The following CNTNAP2 variants were observed in gnomAD, a reference collection of about 807,000 sequenced individuals.
CNTNAP2 encodes contactin associated protein 2, also known as contactin-associated protein-like 2.
Under a neutral mutation model 155.2 loss-of-function variants are expected in CNTNAP2, and 98 were observed. That is an observed-to-expected ratio of 0.63 (90% CI 0.54 to 0.75). The LOEUF is 0.75. Ranked by LOEUF, CNTNAP2 falls within the 30% of genes least tolerant of loss-of-function variation. The pLI is 0.00. For missense variants in CNTNAP2, 1,727 were observed against 1,688.1 expected (o/e 1.02, Z -0.40); for synonymous variants, 651 against 631.2 (o/e 1.03, Z -0.47).
At chr7:146,812,448 AT>A (rs1563241687) in intron 2 of CNTNAP2, among the ~76,000 whole-genome samples, 3 of 145,320 alleles carry the variant, frequency 2.1e-5, no homozygotes, top group Non-Finnish European at 4.5e-5. Context: ...TATAAAAAAT[AT>A]ATATATATAT....
At chr7:147,535,106 G>GC (rs909734760) in intron 11 of CNTNAP2, among the ~76,000 whole-genome samples, 26 of 152,110 alleles carry the variant, frequency 1.7e-4, no homozygotes, top group African/African-American at 6.0e-4. Context: ...ACAATAGGTG[G>GC]CCAAGGCCGG....
intron 1 of CNTNAP2, among the ~76,000 whole-genome samples, chr7:146,691,077 C>G (rs1800690558): frequency 6.6e-6 from 1 of 152,108 alleles, no homozygotes; most frequent in Admixed American, 6.6e-5. Context: ...TTATATGATG[C>G]ATATCCATAT....
At position 147,395,751 on chromosome 7, in the gene CNTNAP2, C is replaced by G; in HGVS notation, c.1641C>G (p.Val547=). The G allele has an allele frequency of 6.2e-7, 1 of 1,612,356 alleles. No homozygotes were observed. Among genetic ancestry groups the G allele is most frequent in the Non-Finnish European group, 8.5e-7 (1 of 1,178,722 alleles). ...AQRKPGSFAN[V]SIDMCAIIDR... is the part of the protein sequence containing the mutation. The stretch of plus-strand genomic sequence containing the variant: ...GGAAGCCGGGAAGTTTCGCGAATGT[C>G]AGCATTGACATGTGTGCGATCATAG... The change falls in exon 10 of 24, where the codon GTC becomes GTG. Residue 547 remains valine, a synonymous_variant. Transcript: ENST00000361727.
In CNTNAP2 at chr7:147,716,055, A is replaced by G. The variant is rs989893367; in HGVS notation, c.2098+76749A>G. Among the ~76,000 whole-genome samples, 5 of 152,296 alleles carry G rather than the reference A, an allele frequency of 3.3e-5. No homozygotes were observed. In the East Asian group the frequency reaches 7.7e-4, roughly 24 times the overall value. ...TCTGTGAGATGCAACTTGTACCAAC[A>G]CTGGTCACAAGAGAGCCAGTTCTTA... On this transcript the variant is annotated intron_variant, in intron 13 of 23. Coordinates refer to ENST00000361727, the MANE Select transcript of CNTNAP2 (RefSeq NM_014141.6).
In CNTNAP2 at chr7:146,574,061, G is replaced by T. The variant is rs893419484; in HGVS notation, c.98-200210G>T. On this transcript the variant is annotated intron_variant, in intron 1 of 23. Transcript: ENST00000361727. ...CTCACTGGAACATGCTAAGAGGAAG[G>T]AAGAGATACCTGTCCTATGAGGCGT... Among the ~76,000 whole-genome samples the T allele has an allele frequency of 2.0e-5, 3 of 152,260 alleles. No homozygotes were observed. In the East Asian group the frequency reaches 5.8e-4, roughly 29 times the overall value.
At chr7:148,302,806 G>A (rs1036952211) in intron 21 of CNTNAP2, among the ~76,000 whole-genome samples, 14 of 136,900 alleles carry the variant, frequency 1.0e-4, no homozygotes, top group East Asian at 6.6e-4. Flanking sequence ...ACTCAGTCTC[G>A]ATTATTCTTT....
intron 13 of CNTNAP2, among the ~76,000 whole-genome samples, chr7:147,692,114 A>C (rs1348167943): frequency 6.6e-6 from 1 of 152,052 alleles, no homozygotes; most frequent in African/African-American, 2.4e-5. Flanking sequence ...ATCATACAGT[A>C]TTGCCTTTTC....
chr7:148,021,097 A>G (rs1802272361), intron 15 of CNTNAP2, among the ~76,000 whole-genome samples: 1 of 152,176 alleles, frequency 6.6e-6, no homozygotes, highest in African/African-American at 2.4e-5. Flanking sequence ...TGAATTTCTA[A>G]TAATAAAGCC....
At chr7:147,477,177 A>G (rs964171322) in intron 10 of CNTNAP2, among the ~76,000 whole-genome samples, 10 of 152,272 alleles carry the variant, frequency 6.6e-5, no homozygotes, top group Admixed American at 3.9e-4. Context: ...ATAGTTTACA[A>G]TTATTCTAAA....
At chr7:147,181,547 A>G (rs1441023093) in intron 8 of CNTNAP2, among the ~76,000 whole-genome samples, 3 of 152,216 alleles carry the variant, frequency 2.0e-5, no homozygotes, top group African/African-American at 4.8e-5. Context: ...TATTTACTAA[A>G]GAAGAGAGTT....
intron 8 of CNTNAP2, among the ~76,000 whole-genome samples, chr7:147,280,547 A>T (rs1031217139): frequency 1.3e-5 from 2 of 151,878 alleles, no homozygotes; most frequent in East Asian, 3.9e-4. Flanking sequence ...TTGGGAAAGA[A>T]CATTTTCTCT....
At chr7:147,181,922 C>T (rs1335420250) in intron 8 of CNTNAP2, among the ~76,000 whole-genome samples, 4 of 151,816 alleles carry the variant, frequency 2.6e-5, no homozygotes, top group Non-Finnish European at 4.4e-5. Context: ...GTCAGTAGTT[C>T]GAGACCAGCC....
At chr7:147,005,198 C>T (rs1798503535) in intron 3 of CNTNAP2, among the ~76,000 whole-genome samples, 1 of 151,910 alleles carries the variant, frequency 6.6e-6, no homozygotes, top group South Asian at 2.1e-4. Context: ...TTGTATTATT[C>T]TCTCTGATTT....
At chr7:147,505,900 G>A (rs1798897566) in intron 11 of CNTNAP2, among the ~76,000 whole-genome samples, 1 of 151,960 alleles carries the variant, frequency 6.6e-6, no homozygotes, top group Non-Finnish European at 1.5e-5. Context: ...AGTCAAATGG[G>A]TTTGGATCAG....
chr7:147,368,003 T>C (rs1796266245), intron 9 of CNTNAP2, among the ~76,000 whole-genome samples: 1 of 112,938 alleles, frequency 8.9e-6, no homozygotes, highest in African/African-American at 3.8e-5. Flanking sequence ...TCTCTCTCTG[T>C]CTCTCTCTCT....
chr7:147,720,025 C>G (rs1796540826), intron 13 of CNTNAP2, among the ~76,000 whole-genome samples: 1 of 152,202 alleles, frequency 6.6e-6, no homozygotes, highest in Non-Finnish European at 1.5e-5. Flanking sequence ...GTGTTCATCA[C>G]CTGATCTTCA....
intron 23 of CNTNAP2, among the ~76,000 whole-genome samples, chr7:148,414,450 TC>T: frequency 6.6e-6 from 1 of 151,690 alleles, no homozygotes; most frequent in East Asian, 1.9e-4. Context: ...GATCATGTTT[TC>T]CTTTAAACCC....
At chr7:147,954,000 C>T (rs1216870504) in intron 14 of CNTNAP2, among the ~76,000 whole-genome samples, 1 of 152,056 alleles carries the variant, frequency 6.6e-6, no homozygotes, top group Non-Finnish European at 1.5e-5. Context: ...CACAGTTCTA[C>T]CCACCACAGA....
chr7:146,647,259 G>A (rs553169570), intron 1 of CNTNAP2, among the ~76,000 whole-genome samples: 131 of 152,122 alleles, frequency 8.6e-4, no homozygotes, highest in African/African-American at 2.9e-3. Context: ...ACTTTATCTC[G>A]AGCTCCTTTC....
Sources: gnomAD v4.1 joint callset for allele counts (sites outside exome capture counted in the v4.1 genomes callset) on GRCh38, gnomAD v4.1.1 for gene constraint, MANE v1.5 for transcripts, NCBI Gene and HGNC (gene_info 2026-07-23, HGNC 2026-07-21) for gene names.